The following NRG1 variants were observed in gnomAD, a reference collection of about 807,000 sequenced individuals.
NRG1 encodes neuregulin 1.
NRG1 carries 18 observed loss-of-function variants against 63.8 expected under a neutral mutation model. The ratio of observed to expected loss-of-function variants is 0.28; its 90% confidence interval spans 0.19 to 0.42. The LOEUF (loss-of-function observed/expected upper bound fraction) is 0.42. Among genes scored for constraint, NRG1 ranks in the 10% least tolerant of loss-of-function variants. The pLI is 1.00. For synonymous variants in NRG1, 302 were observed against 301.3 expected, an observed-to-expected ratio of 1.00 and a Z score of -0.02; for missense variants, 762 against 814.7, an observed-to-expected ratio of 0.94 and a Z score of 0.79.
rs189183217 is a variant in NRG1, at chr8:32,395,990, T to G, written c.38-199838T>G. Among the ~76,000 whole-genome samples, 17 of 152,332 alleles carry G rather than the reference T, an allele frequency of 1.1e-4. No homozygotes were observed. The East Asian group carries it at 2.9e-3, about 26-fold the overall frequency. On this transcript the variant is annotated intron_variant, in intron 1 of 10. Coordinates refer to the NRG1 transcript ENST00000519301. ...ATCTTTTGCCCAAAAGATAATCTTT[T>G]TTATACTGAGTTACCTTTGCTGCTT...
At chr8:32,261,659 C>T (rs1531746) in intron 1 of NRG1, among the ~76,000 whole-genome samples, 103,017 of 151,838 alleles carry the variant, frequency 0.68, 36,533 homozygotes, top group African/African-American at 0.87. Context: ...CCAACAGTTG[C>T]GCTTTTAACA....
chr8:31,994,508 G>T (rs1811597001), intron 1 of NRG1, among the ~76,000 whole-genome samples: 2 of 151,556 alleles, frequency 1.3e-5, no homozygotes, highest in African/African-American at 4.8e-5. Context: ...TAAAAAGTTA[G>T]TTGGGCATGG....
intron 1 of NRG1, among the ~76,000 whole-genome samples, chr8:32,314,502 A>G (rs1349399310): frequency 6.6e-6 from 1 of 152,152 alleles, no homozygotes; most frequent in Non-Finnish European, 1.5e-5. Context: ...CAATAAGCCT[A>G]ATGACCTCTA....
chr8:32,490,018 A>T (rs1191319524), intron 1 of NRG1, among the ~76,000 whole-genome samples: 1 of 152,182 alleles, frequency 6.6e-6, no homozygotes, highest in African/African-American at 2.4e-5. Context: ...TAAAAACATA[A>T]ATTCTTGCAG....
chr8:32,638,618 A>G (rs752726563), intron 5 of NRG1, among the ~76,000 whole-genome samples: 3 of 152,144 alleles, frequency 2.0e-5, no homozygotes, highest in Admixed American at 6.5e-5. Flanking sequence ...AGGAGCGACC[A>G]TGTTGGACAG....
In NRG1 at chr8:32,742,826, A is replaced by G; in HGVS notation, c.691+93A>G. 6.2e-7 allele frequency: 1 copy of G among 1,611,676 alleles called. No individual in the cohort carries two copies. Among genetic ancestry groups the G allele is most frequent in the Non-Finnish European group, 8.5e-7 (1 of 1,178,424 alleles). ...CTGCATCTCCCCTCAGATTCCACCT[A>G]GAGCTAGATGTGTCTTACCAGATCT... On this transcript the variant is annotated intron_variant, in intron 7 of 11. Transcript: ENST00000356819. The surrounding 1 kb of genome is among the most constrained non-coding windows in gnomAD (Gnocchi z 4.2).
intron 1 of NRG1, among the ~76,000 whole-genome samples, chr8:32,574,851 G>C (rs2439302): frequency 0.54 from 82,634 of 152,062 alleles, 22,738 homozygotes; most frequent in East Asian, 0.83. Flanking sequence ...TTGTTTCATA[G>C]AGTTTACACT....
chr8:32,508,053 A>G (rs143145549), intron 1 of NRG1, among the ~76,000 whole-genome samples: 1 of 152,298 alleles, frequency 6.6e-6, no homozygotes, highest in African/African-American at 2.4e-5. Context: ...ATGTCCATTC[A>G]TAGAAGATGG....
At chr8:32,450,145 A>G (rs1443067231) in intron 1 of NRG1, among the ~76,000 whole-genome samples, 1 of 152,242 alleles carries the variant, frequency 6.6e-6, no homozygotes, top group East Asian at 1.9e-4. Context: ...CAGGAATAGA[A>G]TAATTTTATT....
intron 1 of NRG1, among the ~76,000 whole-genome samples, chr8:31,889,378 G>A (rs1830971223): frequency 6.6e-6 from 1 of 152,112 alleles, no homozygotes. Context: ...TCAAGTTTGT[G>A]GACTGAGCTA....
At chr8:32,750,142 C>G (rs1253743126) in intron 7 of NRG1, among the ~76,000 whole-genome samples, 2 of 152,162 alleles carry the variant, frequency 1.3e-5, no homozygotes, top group African/African-American at 4.8e-5. Flanking sequence ...TGGAGATACT[C>G]AAGCACCACC....
rs1807751363 is a variant in NRG1 at position 31,974,025 on chromosome 8, A to T, written c.37+334594A>T. ...ACATCTGGAAAGGTCCAGATTTCAA[A>T]CTGTCGCTCTTTTGTCAGTGCTGAA... is the stretch of plus-strand genomic sequence containing the variant. On this transcript the variant is annotated intron_variant, in intron 1 of 10. Transcript: ENST00000519301. Among the ~76,000 whole-genome samples the T allele has an allele frequency of 2.0e-5, 3 of 152,256 alleles. No individual in the cohort carries two copies. In the South Asian group the frequency reaches 6.2e-4, roughly 32 times the overall value.
Position 32,260,145 on chromosome 8 carries a change from T to C in NRG1, c.38-335683T>C, listed in dbSNP as rs558193670. 8.9e-4 allele frequency among the ~76,000 whole-genome samples: 136 copies of C among 152,270 alleles called. No individual in the cohort carries two copies. The South Asian group carries it at 0.028, about 31-fold the overall frequency. On this transcript the variant is annotated intron_variant, in intron 1 of 10. Coordinates refer to the NRG1 transcript ENST00000519301. Reference sequence around the variant, plus strand: ...CTTCAAATGCCTGAACTTGCTCAAATAGAAATGGGATTACTAAAACAACTA... The same window carrying C: ...CTTCAAATGCCTGAACTTGCTCAAACAGAAATGGGATTACTAAAACAACTA...
At chr8:32,555,610 T>C (rs1300839729) in intron 1 of NRG1, among the ~76,000 whole-genome samples, 5 of 152,172 alleles carry the variant, frequency 3.3e-5, no homozygotes, top group African/African-American at 9.7e-5. Context: ...TAGCTGGGAC[T>C]ACAGGCGCCC....
intron 1 of NRG1, among the ~76,000 whole-genome samples, chr8:31,752,378 A>G (rs1383087055): frequency 6.6e-6 from 1 of 151,982 alleles, no homozygotes; most frequent in Non-Finnish European, 1.5e-5. Context: ...AGAGGTTTTG[A>G]GTGAAGAGGG....
At chr8:32,497,386 G>T (rs1318496176) in intron 1 of NRG1, among the ~76,000 whole-genome samples, 1 of 149,560 alleles carries the variant, frequency 6.7e-6, no homozygotes, top group Non-Finnish European at 1.5e-5. Context: ...GGCGGGGGTT[G>T]CAGTGAGCCA....
At position 31,764,943 on chromosome 8, in the gene NRG1, T is replaced by G. The variant is rs996475174; in HGVS notation, c.37+125512T>G. 2.2e-5 allele frequency among the ~76,000 whole-genome samples: 3 copies of G among 136,588 alleles called. No individual in the cohort carries two copies. The East Asian group carries it at 6.6e-4, about 30-fold the overall frequency. The allele number at this position is 136,588 out of a possible 152,430, so 89.6% of individuals were successfully genotyped here. A position where few individuals can be genotyped will look rare whatever the true frequency, so the allele number is the denominator to read the frequency against. On this transcript the variant is annotated intron_variant, in intron 1 of 10. Coordinates refer to the NRG1 transcript ENST00000519301. Reference sequence around the variant, plus strand: ...TGTGATATTCCCCTTCCTGTGTCCATGTGATCTCATTGTTCAATTCCCACC... The same window carrying G: ...TGTGATATTCCCCTTCCTGTGTCCAGGTGATCTCATTGTTCAATTCCCACC...
intron 1 of NRG1, among the ~76,000 whole-genome samples, chr8:32,383,038 G>A (rs1045068147): frequency 3.3e-5 from 5 of 150,492 alleles, no homozygotes; most frequent in African/African-American, 1.2e-4. Flanking sequence ...CCTGGGCAAT[G>A]TAGCAAGATT....
At chr8:31,767,438 G>A (rs1818179990) in intron 1 of NRG1, among the ~76,000 whole-genome samples, 1 of 152,040 alleles carries the variant, frequency 6.6e-6, no homozygotes, top group African/African-American at 2.4e-5. Context: ...GCTCATTTAT[G>A]TTCTTGGTTT....
Sources: allele counts gnomAD v4.1 joint callset (sites outside exome capture counted in the v4.1 genomes callset), GRCh38; gene constraint gnomAD v4.1.1; non-coding constraint Gnocchi (gnomAD v3.1); transcripts MANE v1.5; gene names NCBI Gene and HGNC (gene_info 2026-07-23, HGNC 2026-07-21).